Variants in INF2 observed in about 807,000 individuals in gnomAD.
INF2 encodes the protein inverted formin-2.
INF2 carries 43 observed loss-of-function variants against 123.5 expected under a neutral mutation model. The observed-to-expected ratio is 0.35, with a 90% CI of 0.27 to 0.45. The LOEUF is 0.45. INF2 is among the 20% of genes least tolerant of loss of function. INF2 has a pLI of 1.00. For synonymous variants in INF2, 851 were observed against 745.0 expected, an observed-to-expected ratio of 1.14 and a Z score of -2.32; for missense variants, 1,453 against 1,682.7, an observed-to-expected ratio of 0.86 and a Z score of 2.39.
intron 6 of INF2, 99 bp from the exon 7 acceptor site, chr14:104,706,811 G>T: frequency 7.3e-7 from 1 of 1,364,322 alleles, no homozygotes; most frequent in Non-Finnish European, 1.0e-6. Context: ...TGGGAATAGA[G>T]GGGGTGATGG....
intron 20 of INF2, 130 bp downstream of exon 20, chr14:104,713,736 C>A: frequency 9.8e-7 from 1 of 1,022,276 alleles, no homozygotes; most frequent in Non-Finnish European, 1.4e-6. Context: ...GCCCCTAAGA[C>A]TGGGGACAGC....
At chr14:104,711,270 A>T in intron 15 of INF2, 84 bp downstream of exon 15, 2 of 1,182,886 alleles carry the variant, frequency 1.7e-6, no homozygotes, top group South Asian at 1.3e-5. Flanking sequence ...CCATACCCCC[A>T]TGCCCACCAC....
intron 2 of INF2, 48 bp from the exon 3 acceptor site, chr14:104,703,057 G>C (rs777938865): frequency 1.4e-6 from 2 of 1,467,074 alleles, no homozygotes; most frequent in Non-Finnish European, 1.9e-6. Context: ...CACAGGCATG[G>C]GAAGGGGTGC....
At position 104,709,294 on chromosome 14, in the gene INF2, G is replaced by A; in HGVS notation, c.1963G>A (p.Val655Ile). Residue 655 changes from valine to isoleucine, a missense_variant, in exon 11 of 23, where the codon GTC becomes ATC. Physicochemically the swap from Val to Ile is conservative, Grantham distance 29. Coordinates refer to ENST00000392634, the MANE Select transcript of INF2 (RefSeq NM_022489.4). ...TCCCTGCTCCAGCTCCAACGAGGAG[G>A]TCGCTGCTATGATCCGGGCTGGAGA... ...LKQFKCSNEE[V>I]AAMIRAGDTT... 6.2e-7 allele frequency: 1 copy of A among 1,612,812 alleles called. No individual in the cohort carries two copies. The highest frequency in any genetic ancestry group is 8.5e-7 in the Non-Finnish European group (1 of 1,179,732).
At chr14:104,703,828 C>T (rs2140651742) in intron 4 of INF2, 88 bp from the exon 5 acceptor site, 1 of 1,602,764 alleles carries the variant, frequency 6.2e-7, no homozygotes, top group East Asian at 2.2e-5. Context: ...TGCAGCAGGG[C>T]AGGGTCAGGT....
At position 104,701,285 on chromosome 14, in the gene INF2, C is replaced by A. The variant is rs907537701; in HGVS notation, c.-9-72C>A. The stretch of plus-strand genomic sequence containing the variant: ...AAACTGAGACCGAGGGAAGTGGCCC[C>A]GCCTGCGCTGGTGGCCAGGAGGACA... On this transcript the variant is annotated intron_variant, in intron 1 of 22. Transcript: ENST00000392634. The A allele has an allele frequency of 4.7e-6, 7 of 1,494,316 alleles. No homozygotes were observed. The East Asian group carries it at 1.5e-4, about 32-fold the overall frequency. 92.6% of individuals were successfully genotyped at this position (1,494,316 alleles called of 1,614,324 possible). A position where few individuals can be genotyped will look rare whatever the true frequency, so the allele number is the denominator to read the frequency against.
intron 4 of INF2, 126 bp from the exon 5 acceptor site, chr14:104,703,790 G>A (rs548267288): frequency 1.3e-6 from 2 of 1,530,418 alleles, no homozygotes; most frequent in African/African-American, 1.4e-5. Context: ...CTCCCCTCCA[G>A]AGCCTCAGGT....
chr14:104,681,865 T>TGGGGAGCCAGGC (rs1468900726), intron 1 of INF2, among the ~76,000 whole-genome samples: 1 of 152,074 alleles, frequency 6.6e-6, no homozygotes, highest in Non-Finnish European at 1.5e-5. Context: ...GAAGTCTAAC[T>TGGGGAGCCAGGC]GGGGAGCCAG....
intron 1 of INF2, among the ~76,000 whole-genome samples, chr14:104,683,086 A>G (rs1357082838): frequency 6.6e-6 from 1 of 150,452 alleles, no homozygotes; most frequent in Admixed American, 6.7e-5. Context: ...AGCCACTGCT[A>G]CCTTAATAAA....
chr14:104,689,590 T>G, upstream of INF2: 82 of 646,862 alleles, frequency 1.3e-4, no homozygotes, highest in Non-Finnish European at 1.4e-4. Flanking sequence ...CTCCTCTTCC[T>G]CCCGCCCGCC....
chr14:104,681,621 C>A, intron 1 of INF2: 4 of 1,286,868 alleles, frequency 3.1e-6, no homozygotes, highest in Non-Finnish European at 3.0e-6. Context: ...CTGGGGTAGC[C>A]GAGAAAGCAG....
At chr14:104,717,238 GCGC>G (rs1890340531) in intron 22 of INF2, among the ~76,000 whole-genome samples, 1 of 138,062 alleles carries the variant, frequency 7.2e-6, no homozygotes, top group Non-Finnish European at 1.6e-5. Context: ...CGGGCAGGGT[GCGC>G]TGCCGTCCTC....
chr14:104,708,409 C>G lies in INF2; in HGVS notation c.1736-27C>G, dbSNP rs773812025. On this transcript the variant is annotated intron_variant, in intron 8 of 22. Transcript: ENST00000392634. ...CGCCAGGCCCCGGGGCTGCGAGAGCCTCACTGGCCGTGTCCCCACCCGACA... is the reference window on the plus strand; with the variant it reads ...CGCCAGGCCCCGGGGCTGCGAGAGCGTCACTGGCCGTGTCCCCACCCGACA... The G allele has an allele frequency of 3.7e-6, 6 of 1,608,810 alleles. No homozygotes were observed. In the African/African-American group the frequency reaches 8.0e-5, roughly 22 times the overall value.
In INF2 at chr14:104,707,116, G is replaced by T. The variant is rs7147340; in HGVS notation, c.985+65G>T. 219 of 1,522,332 alleles carry T rather than the reference G, an allele frequency of 1.4e-4. 2 individuals carry two copies. The East Asian group carries it at 5.2e-3, about 36-fold the overall frequency. 94.3% of individuals were successfully genotyped at this position (1,522,332 alleles called of 1,614,324 possible). A position where few individuals can be genotyped will look rare whatever the true frequency, so the allele number is the denominator to read the frequency against. On this transcript the variant is annotated intron_variant, in intron 7 of 22. Coordinates refer to ENST00000392634, the MANE Select transcript of INF2 (RefSeq NM_022489.4). ...GCAGACACTGAGGTCTTAGACCATG[G>T]GGGGGGGAGCCTGCCCTTGGCCCCA...
intron 5 of INF2, among the ~76,000 whole-genome samples, chr14:104,705,824 G>A (rs760818584): frequency 2.6e-5 from 4 of 152,240 alleles, no homozygotes; most frequent in Non-Finnish European, 4.4e-5. Context: ...GGGCAGCCTG[G>A]CAGGGCGCAA....
Position 104,701,758 on chromosome 14 carries a change from T to C in INF2, c.391+2T>C. 1 of 1,497,806 alleles carries C rather than the reference T, an allele frequency of 6.7e-7. No individual in the cohort carries two copies. The allele number at this position is 1,497,806 out of a possible 1,614,324, so 92.8% of individuals were successfully genotyped here. ...GCTACGTGCGCCAGCTCTCCCAGGG[T>C]GAGCCGCAGTGTGGGAGGGCCGCCC... On this transcript the variant is annotated splice_donor_variant, in intron 2 of 22. Coordinates refer to ENST00000392634, the MANE Select transcript of INF2 (RefSeq NM_022489.4). LOFTEE classifies it high-confidence loss of function.
rs1469031746 is a variant in INF2 at position 104,709,642 on chromosome 14, C to G, written c.2075C>G (p.Thr692Arg). The change falls in exon 12 of 23, where the codon ACA (threonine) becomes AGA (arginine). Residue 692 changes from threonine (T) to arginine (R), a missense_variant. Thr to Arg is a moderately conservative substitution (Grantham distance 71, BLOSUM62 -1). This residue lies in a region of INF2 where 192 missense variants were observed against 274.4 expected (regional missense o/e 0.70). Coordinates refer to ENST00000392634, the MANE Select transcript of INF2 (RefSeq NM_022489.4). ...CAGATTGAAAACCTGCGGGCATTCACAGAGGAGCGAGCCAAGCTGGCCAGC... is the reference window on the plus strand; with the variant it reads ...CAGATTGAAAACCTGCGGGCATTCAGAGAGGAGCGAGCCAAGCTGGCCAGC... The part of the protein sequence containing the change: ...KHEIENLRAF[T>R]EERAKLASAD... The G allele has an allele frequency of 6.2e-7, 1 of 1,612,572 alleles. No individual in the cohort carries two copies. Among genetic ancestry groups the G allele is most frequent in the Non-Finnish European group, 8.5e-7 (1 of 1,179,824 alleles).
chr14:104,703,817 G>A, intron 4 of INF2, 99 bp from the exon 5 acceptor site: 1 of 1,595,618 alleles, frequency 6.3e-7, no homozygotes, highest in Non-Finnish European at 8.5e-7. Flanking sequence ...TGTCCCATGA[G>A]TGCAGCAGGG....
intron 1 of INF2, among the ~76,000 whole-genome samples, chr14:104,691,798 C>T (rs1888967548): frequency 6.6e-6 from 1 of 152,074 alleles, no homozygotes; most frequent in South Asian, 2.1e-4. Flanking sequence ...AGAGAGGCTT[C>T]CACTCCTGCC....
Sources: allele counts gnomAD v4.1 joint callset (sites outside exome capture counted in the v4.1 genomes callset), GRCh38; gene constraint gnomAD v4.1.1; regional missense constraint gnomAD v4.1.1; transcripts MANE v1.5; gene names NCBI Gene and HGNC (gene_info 2026-07-23, HGNC 2026-07-21).